DTNB: variants seen among roughly 807,000 people sequenced by gnomAD.
DTNB encodes the protein DTN-B.
Under a neutral mutation model 90.7 loss-of-function variants are expected in DTNB, and 63 were observed. The observed-to-expected ratio is 0.69, with a 90% CI of 0.57 to 0.86. DTNB has a LOEUF of 0.86. Among genes scored for constraint, DTNB ranks in the 40% least tolerant of loss-of-function variants. The probability of loss-of-function intolerance (pLI) is 0.00; values close to 1 mark genes in which losing one functional copy is unlikely to be tolerated. For missense variants in DTNB, 744 were observed against 807.1 expected, an observed-to-expected ratio of 0.92 and a Z score of 0.95; for synonymous variants, 277 against 286.7, an observed-to-expected ratio of 0.97 and a Z score of 0.34.
chr2:25,485,729 G>A (rs1001027986), intron 9 of DTNB, among the ~76,000 whole-genome samples: 8 of 151,956 alleles, frequency 5.3e-5, no homozygotes, highest in Non-Finnish European at 1.2e-4. Context: ...CTAGAGCCAC[G>A]ACTCACCATG....
intron 8 of DTNB, among the ~76,000 whole-genome samples, chr2:25,552,721 AATCT>A (rs1248472802): frequency 5.3e-5 from 8 of 152,054 alleles, no homozygotes; most frequent in Non-Finnish European, 1.0e-4. Context: ...TAAAAATTCT[AATCT>A]ATCTAAGCCT....
chr2:25,528,310 A>G lies in DTNB; in HGVS notation c.1001+3163T>C, dbSNP rs140235237. Among the ~76,000 whole-genome samples, 158 of 152,318 alleles carry G rather than the reference A, an allele frequency of 1.0e-3. 3 individuals are homozygous for G. In the East Asian group the frequency reaches 0.03, roughly 29 times the overall value. ...TTCTACAAAACCTACATCAAATAAC[A>G]TACTAAATGAATGCTGAAAGCATTC... On this transcript the variant is annotated intron_variant, in intron 9 of 20. Transcript: ENST00000406818.
intron 4 of DTNB, among the ~76,000 whole-genome samples, chr2:25,617,618 C>T (rs754805165): frequency 6.6e-6 from 1 of 152,144 alleles, no homozygotes; most frequent in African/African-American, 2.4e-5. Context: ...AGAAGCCAGG[C>T]GTCGTGGTTC....
chr2:25,441,538 T>C (rs1362707212), intron 12 of DTNB, among the ~76,000 whole-genome samples: 1 of 152,224 alleles, frequency 6.6e-6, no homozygotes, highest in African/African-American at 2.4e-5. Context: ...GAATTTCCCC[T>C]GGTGCTGAAT....
At chr2:25,553,015 C>T (rs993920110) in intron 8 of DTNB, among the ~76,000 whole-genome samples, 1 of 150,994 alleles carries the variant, frequency 6.6e-6, no homozygotes, top group Admixed American at 6.6e-5. Context: ...CGCCCGCCAC[C>T]ACGCCCGGCT....
intron 1 of DTNB, among the ~76,000 whole-genome samples, chr2:25,659,750 T>C (rs537023601): frequency 5.9e-5 from 9 of 152,062 alleles, no homozygotes; most frequent in Non-Finnish European, 1.2e-4. Flanking sequence ...AGATTGAATT[T>C]GTAGTTTAAA....
intron 15 of DTNB, among the ~76,000 whole-genome samples, chr2:25,420,467 A>AATCTATCTATCTATCTATCT (rs70947889): frequency 1.4e-5 from 2 of 145,528 alleles, no homozygotes; most frequent in East Asian, 2.1e-4. Flanking sequence ...CATCTAAATC[A>AATCTATCTATCTATCTATCT]ATCTATCTAT....
At chr2:25,540,113 T>C (rs2080859105) in intron 8 of DTNB, among the ~76,000 whole-genome samples, 1 of 152,206 alleles carries the variant, frequency 6.6e-6, no homozygotes, top group South Asian at 2.1e-4. Context: ...TTTAGGGTTG[T>C]GTTCACTATC....
intron 8 of DTNB, among the ~76,000 whole-genome samples, chr2:25,550,816 A>G (rs2083487005): frequency 1.3e-5 from 2 of 152,068 alleles, no homozygotes; most frequent in South Asian, 4.2e-4. Flanking sequence ...CACCCGGCTA[A>G]TCTTTGTATT....
chr2:25,618,611 A>G (rs1386777194), intron 4 of DTNB, among the ~76,000 whole-genome samples: 1 of 152,234 alleles, frequency 6.6e-6, no homozygotes, highest in Non-Finnish European at 1.5e-5. Flanking sequence ...GTAGGTCAAC[A>G]TTTGAAATAT....
chr2:25,561,749 C>T (rs578131069), intron 8 of DTNB, among the ~76,000 whole-genome samples: 5 of 152,176 alleles, frequency 3.3e-5, no homozygotes, highest in Non-Finnish European at 7.3e-5. Context: ...ATGCCTTCCA[C>T]CATGATTGTA....
intron 4 of DTNB, among the ~76,000 whole-genome samples, chr2:25,613,285 G>T (rs186897138): frequency 6.6e-6 from 1 of 152,170 alleles, no homozygotes; most frequent in Non-Finnish European, 1.5e-5. Context: ...ACACGTGCAG[G>T]TTTATTACAT....
At chr2:25,481,750 T>C (rs1558705227) in intron 10 of DTNB, 1 of 152,194 alleles carries the variant, frequency 6.6e-6, no homozygotes, top group African/African-American at 2.4e-5. Context: ...ATGATAAGAA[T>C]CAGCTGGAAT....
At chr2:25,456,723 C>T (rs2060096360) in intron 10 of DTNB, among the ~76,000 whole-genome samples, 1 of 151,966 alleles carries the variant, frequency 6.6e-6, no homozygotes, top group Admixed American at 6.6e-5. Context: ...CAGGCGTGCA[C>T]CACCAGCTAA....
chr2:25,433,429 C>T (rs761095675), intron 13 of DTNB, among the ~76,000 whole-genome samples: 1 of 152,098 alleles, frequency 6.6e-6, no homozygotes, highest in African/African-American at 2.4e-5. Flanking sequence ...TCTATCTATG[C>T]CTGTTACCTT....
At chr2:25,598,266 T>C (rs1320736514) in intron 5 of DTNB, among the ~76,000 whole-genome samples, 6 of 152,118 alleles carry the variant, frequency 3.9e-5, no homozygotes, top group African/African-American at 1.4e-4. Context: ...TCTTGCACTA[T>C]GTGGTAATCT....
intron 16 of DTNB, among the ~76,000 whole-genome samples, chr2:25,393,640 A>C (rs2041728639): frequency 6.6e-6 from 1 of 152,100 alleles, no homozygotes; most frequent in Admixed American, 6.6e-5. Flanking sequence ...GAATACCTGC[A>C]AAAAATAAAA....
intron 19 of DTNB, among the ~76,000 whole-genome samples, chr2:25,383,382 A>G (rs1008373503): frequency 2.0e-5 from 3 of 151,694 alleles, no homozygotes; most frequent in African/African-American, 7.3e-5. Context: ...ACACCTGGCT[A>G]ATTTTTTGTA....
At chr2:25,584,983 G>A (rs1025643031) in intron 6 of DTNB, among the ~76,000 whole-genome samples, 1 of 152,196 alleles carries the variant, frequency 6.6e-6, no homozygotes, top group East Asian at 1.9e-4. Flanking sequence ...GACCTGTTAG[G>A]AGAGGCTTCC....
Sources: allele counts gnomAD v4.1 joint callset (sites outside exome capture counted in the v4.1 genomes callset), GRCh38; gene constraint gnomAD v4.1.1; transcripts MANE v1.5; gene names NCBI Gene and HGNC (gene_info 2026-07-23, HGNC 2026-07-21).